The following CSNK1E variants were observed in gnomAD, a reference collection of about 807,000 sequenced individuals.
CSNK1E encodes casein kinase 1 epsilon, also known as casein kinase I isoform epsilon.
A neutral mutation model predicts 46.1 loss-of-function variants in CSNK1E; 17 were observed. The observed-to-expected ratio is 0.37, with a 90% CI of 0.25 to 0.55. The LOEUF (loss-of-function observed/expected upper bound fraction) is 0.55. Ranked by LOEUF, CSNK1E falls within the 20% of genes least tolerant of loss-of-function variation. The probability of loss-of-function intolerance (pLI) is 0.82; values close to 1 mark genes in which losing one functional copy is unlikely to be tolerated. For missense variants in CSNK1E, 386 were observed against 595.4 expected, an observed-to-expected ratio of 0.65 and a Z score of 3.66; for synonymous variants, 241 against 242.6, an observed-to-expected ratio of 0.99 and a Z score of 0.06.
chr22:38,311,342 G>A (rs891103154), intron 2 of CSNK1E, among the ~76,000 whole-genome samples: 1 of 152,212 alleles, frequency 6.6e-6, no homozygotes, highest in Non-Finnish European at 1.5e-5. Context: ...GTACAAAGAG[G>A]AGTAAATCTG....
chr22:38,312,393 C>A (rs1009806956), intron 2 of CSNK1E, among the ~76,000 whole-genome samples: 2 of 152,200 alleles, frequency 1.3e-5, no homozygotes, highest in African/African-American at 4.8e-5. Flanking sequence ...ACCTGGCCAT[C>A]CCGGCATTTT....
At chr22:38,296,314 T>C (rs2092640147) in intron 7 of CSNK1E, 15 of 1,326,152 alleles carry the variant, frequency 1.1e-5, no homozygotes, top group Non-Finnish European at 1.4e-5. Context: ...GTTGAATTCC[T>C]TCCCGGCCAG....
rs2092685878 is a variant in CSNK1E, at chr22:38,303,728, T to A, written c.77-480A>T. Among the ~76,000 whole-genome samples, 1 of 152,098 alleles carries A rather than the reference T, an allele frequency of 6.6e-6. No individual in the cohort carries two copies. The highest frequency in any genetic ancestry group is 2.1e-4 in the South Asian group (1 of 4,830). On this transcript the variant is annotated intron_variant, in intron 2 of 10. Transcript: ENST00000396832. This position sits in a 1 kb window ranked among gnomAD's most constrained non-coding sequence, Gnocchi z 4.7. ...TGGGACAGCCGCAGCAACCCCTCAG[T>A]CAATGCTGATGCCTTCAGAGGCAGC...
chr22:38,313,964 G>A (rs1464899751), intron 2 of CSNK1E, 118 bp downstream of exon 2: 2 of 951,554 alleles, frequency 2.1e-6, no homozygotes, highest in African/African-American at 3.2e-5. Flanking sequence ...ATGGCCCTGG[G>A]GCAAATCATG....
rs1602535251 is a variant in CSNK1E at position 38,290,899 on chromosome 22, T to A, written c.*1072A>T. On this transcript the variant is annotated 3_prime_UTR_variant, in exon 11 of 11. Coordinates refer to ENST00000396832, the MANE Select transcript of CSNK1E (RefSeq NM_152221.3). ...AAAGGGGAAACAGAGGTAAATAAAT[T>A]AGGAAAACACACACACGGAGAAAAC... 1.4e-5 allele frequency: 2 copies of A among 146,162 alleles called. No individual in the cohort carries two copies. The highest frequency in any genetic ancestry group is 6.8e-5 in the Admixed American group (1 of 14,730). 9.1% of individuals were successfully genotyped at this position (146,162 alleles called of 1,614,324 possible).
At position 38,293,268 on chromosome 22, in the gene CSNK1E, G is replaced by T. The variant is rs1013896567; in HGVS notation, c.*19C>A. ...TCATGGACTCACCTAAGCAAACACTGGTCCAATGGGGGCTCTCCTCACTTC... is the reference window on the plus strand; with the variant it reads ...TCATGGACTCACCTAAGCAAACACTTGTCCAATGGGGGCTCTCCTCACTTC... On this transcript the variant is annotated 3_prime_UTR_variant, in exon 10 of 11. Transcript: ENST00000396832. The T allele has an allele frequency of 6.2e-7, 1 of 1,613,004 alleles. No homozygotes were observed. The highest frequency in any genetic ancestry group is 8.5e-7 in the Non-Finnish European group (1 of 1,179,634).
rs1169117877 is a variant in CSNK1E, at chr22:38,291,837, CCAT to C, written c.*131_*133del. 6.6e-6 allele frequency: 1 copy of C among 151,936 alleles called. No individual in the cohort carries two copies. The highest frequency in any genetic ancestry group is 1.9e-4 in the East Asian group (1 of 5,170). The allele number at this position is 151,936 out of a possible 1,614,324, so 9.4% of individuals were successfully genotyped here. ...GGCAAAGAAATCAAAGAAACAAACT[CCAT>C]CGTCGGTTTTGTGCTGGGTTTTTTT... On this transcript the variant is annotated 3_prime_UTR_variant, in exon 11 of 11. Transcript: ENST00000396832.
chr22:38,312,680 T>C (rs1484428139), intron 2 of CSNK1E, among the ~76,000 whole-genome samples: 3 of 152,176 alleles, frequency 2.0e-5, no homozygotes, highest in Non-Finnish European at 4.4e-5. Flanking sequence ...GCTGGCACTT[T>C]AGAGTTTACA....
intron 2 of CSNK1E, among the ~76,000 whole-genome samples, chr22:38,313,753 C>T (rs1017743793): frequency 6.6e-6 from 1 of 152,232 alleles, no homozygotes; most frequent in Admixed American, 6.5e-5. Flanking sequence ...TCCCAGGAAG[C>T]AGGGGAGAGG....
rs1406608838 is a variant in CSNK1E at position 38,294,558 on chromosome 22, C to G, written c.886-24G>C. 1.3e-6 allele frequency: 2 copies of G among 1,556,316 alleles called. No individual in the cohort carries two copies. Among genetic ancestry groups the G allele is most frequent in the Non-Finnish European group, 1.7e-6 (2 of 1,153,288 alleles). On this transcript the variant is annotated intron_variant, in intron 7 of 10. Coordinates refer to ENST00000396832, the MANE Select transcript of CSNK1E (RefSeq NM_152221.3). This position sits in a 1 kb window ranked among gnomAD's most constrained non-coding sequence, Gnocchi z 5.5. ...CCCTGCAGGGATGCAAGAAAAGACA[C>G]CAGTCAGCCCCAGAGGCCAGGGTGC...
chr22:38,308,048 C>G (rs1410258223), intron 2 of CSNK1E, among the ~76,000 whole-genome samples: 3 of 152,078 alleles, frequency 2.0e-5, no homozygotes, highest in Non-Finnish European at 1.5e-5. Flanking sequence ...GGGGTAAGGT[C>G]CTATCTCCTC....
Position 38,290,813 on chromosome 22 carries a change from TCA to T in CSNK1E, c.*1156_*1157del, listed in dbSNP as rs1259829779. 4 of 151,338 alleles carry T rather than the reference TCA, an allele frequency of 2.6e-5. No individual in the cohort carries two copies. The highest frequency in any genetic ancestry group is 4.4e-5 in the Non-Finnish European group (3 of 67,832). The allele number at this position is 151,338 out of a possible 1,614,324, so 9.4% of individuals were successfully genotyped here. On this transcript the variant is annotated 3_prime_UTR_variant, in exon 11 of 11. Coordinates refer to ENST00000396832, the MANE Select transcript of CSNK1E (RefSeq NM_152221.3). ...CCAAAGTTCTTCAGTTTTTTTTTTTTCAGTTTTTTAAATTACAAAGTAATAAA... is the reference window on the plus strand; with the variant it reads ...CCAAAGTTCTTCAGTTTTTTTTTTTTGTTTTTTAAATTACAAAGTAATAAA...
chr22:38,308,804 A>G (rs1223521396), intron 2 of CSNK1E, among the ~76,000 whole-genome samples: 1 of 152,078 alleles, frequency 6.6e-6, no homozygotes, highest in African/African-American at 2.4e-5. Context: ...TACTGGACAG[A>G]CAAGAGAGGT....
In CSNK1E at chr22:38,298,511, C is replaced by A. The variant is rs2092653274; in HGVS notation, c.885+275G>T. On this transcript the variant is annotated intron_variant, in intron 7 of 10. Transcript: ENST00000396832. The surrounding 1 kb of genome is among the most constrained non-coding windows in gnomAD (Gnocchi z 4.2). ...CGCCGCCAGCACCACCCATGCCCTG[C>A]TGCGGGCACCCAGGAGGGACCCCAG... The A allele has an allele frequency of 2.2e-6, 1 of 452,118 alleles. No individual in the cohort carries two copies. Among genetic ancestry groups the A allele is most frequent in the Non-Finnish European group, 4.1e-6 (1 of 244,090 alleles). The allele number at this position is 452,118 out of a possible 1,614,324, so 28.0% of individuals were successfully genotyped here.
chr22:38,294,306 C>A lies in CSNK1E; in HGVS notation c.1078+36G>T. The stretch of plus-strand genomic sequence containing the variant: ...AGGCACAAACAGAGCCCCCCACCCA[C>A]CCTGAACCCAGCCCACTGCCTGAGT... On this transcript the variant is annotated intron_variant, in intron 8 of 10. Coordinates refer to ENST00000396832, the MANE Select transcript of CSNK1E (RefSeq NM_152221.3). The surrounding 1 kb of genome is among the most constrained non-coding windows in gnomAD (Gnocchi z 5.5). The A allele has an allele frequency of 6.3e-7, 1 of 1,594,340 alleles. No homozygotes were observed. The highest frequency in any genetic ancestry group is 8.5e-7 in the Non-Finnish European group (1 of 1,172,278).
intron 2 of CSNK1E, among the ~76,000 whole-genome samples, chr22:38,310,695 G>A (rs914228997): frequency 1.3e-5 from 2 of 152,192 alleles, no homozygotes; most frequent in African/African-American, 4.8e-5. Flanking sequence ...CAACAGCAGT[G>A]CCTTAACAAA....
chr22:38,313,401 G>C (rs1265229189), intron 2 of CSNK1E, among the ~76,000 whole-genome samples: 3 of 152,202 alleles, frequency 2.0e-5, no homozygotes, highest in African/African-American at 7.2e-5. Context: ...ACAAAGGAAG[G>C]GCCAAGACTC....
intron 2 of CSNK1E, among the ~76,000 whole-genome samples, chr22:38,306,197 T>A (rs1204028449): frequency 6.6e-6 from 1 of 152,158 alleles, no homozygotes; most frequent in Non-Finnish European, 1.5e-5. Context: ...GGGAACTAAG[T>A]ATCTGTGTTT....
rs1409902794 is a variant in CSNK1E, at chr22:38,298,899, G to A, written c.772C>T (p.Leu258=). Residue 258 remains leucine, a synonymous_variant, in exon 7 of 11, where the codon CTG becomes TTG. Transcript: ENST00000396832. The surrounding 1 kb of genome is among the most constrained non-coding windows in gnomAD (Gnocchi z 4.2). Reference sequence around the variant, plus strand: ...TAGTCGGGCTTGTCGTCAAACCGCAGGGAGCGGCAGAAGTTGAGGTATGTT... The same window carrying A: ...TAGTCGGGCTTGTCGTCAAACCGCAAGGAGCGGCAGAAGTTGAGGTATGTT... ...FSTYLNFCRS[L]RFDDKPDYSY... The A allele has an allele frequency of 1.2e-6, 2 of 1,614,188 alleles. No individual in the cohort carries two copies. The highest frequency in any genetic ancestry group is 1.3e-5 in the African/African-American group (1 of 75,060).
Sources: allele counts gnomAD v4.1 joint callset (sites outside exome capture counted in the v4.1 genomes callset), GRCh38; gene constraint gnomAD v4.1.1; non-coding constraint Gnocchi (gnomAD v3.1); transcripts MANE v1.5; gene names NCBI Gene and HGNC (gene_info 2026-07-23, HGNC 2026-07-21).